Variants in HTR4 observed in about 807,000 individuals in gnomAD.
The protein encoded by HTR4 is 5-hydroxytryptamine (serotonin) receptor 4, G protein-coupled.
In HTR4, 16 loss-of-function variants were observed where a neutral mutation model predicts 36.8. That is an observed-to-expected ratio of 0.43 (90% CI 0.29 to 0.66). The LOEUF (loss-of-function observed/expected upper bound fraction) is 0.66. HTR4 is among the 30% of genes least tolerant of loss of function. HTR4 has a pLI of 0.13. For synonymous variants in HTR4, 189 were observed against 185.1 expected (o/e 1.02, Z -0.17); for missense variants, 438 against 490.9 (o/e 0.89, Z 1.02).
intron 6 of HTR4, 99 bp downstream of exon 6, chr5:148,509,357 G>T (rs1264171982): frequency 1.2e-6 from 1 of 844,088 alleles, no homozygotes; most frequent in South Asian, 1.8e-5. Flanking sequence ...ACTCTATGCA[G>T]GTTTCAGGGA....
intron 2 of HTR4, among the ~76,000 whole-genome samples, chr5:148,592,875 G>T (rs1761626599): frequency 6.6e-6 from 1 of 151,856 alleles, no homozygotes. Context: ...CATTAATTCT[G>T]CCTTCAACTA....
At chr5:148,532,614 C>T (rs1188517778) in intron 4 of HTR4, among the ~76,000 whole-genome samples, 1 of 152,104 alleles carries the variant, frequency 6.6e-6, no homozygotes, top group African/African-American at 2.4e-5. Context: ...AATCTAGGTG[C>T]TGTAGACAGC....
chr5:148,484,556 A>T (rs1756060406), intron 6 of HTR4, among the ~76,000 whole-genome samples: 1 of 152,168 alleles, frequency 6.6e-6, no homozygotes, highest in Non-Finnish European at 1.5e-5. Flanking sequence ...GTTCATTCGG[A>T]CTTGTTAGCA....
chr5:148,548,973 A>C (rs758660029), intron 3 of HTR4, 105 bp from the exon 4 acceptor site: 22 of 772,942 alleles, frequency 2.8e-5, no homozygotes, highest in Non-Finnish European at 3.9e-5. Context: ...AAACAAAGAA[A>C]GAAGAAAAGA....
chr5:148,460,877 A>G lies in HTR4; in HGVS notation c.1077-9605T>C, dbSNP rs560871530. 6.9e-4 allele frequency among the ~76,000 whole-genome samples: 105 copies of G among 152,230 alleles called. 1 individual carries two copies. Among genetic ancestry groups the G allele is most frequent in the African/African-American group, 1.8e-3 (73 of 41,574 alleles). ...TTACATCCTGATAAATCCATCATAA[A>G]GTTGAAAAATTGTTAAGTTGGACCA... On this transcript the variant is annotated intron_variant, in intron 5 of 5. Transcript: ENST00000521530.
intron 5 of HTR4, 141 bp downstream of exon 5, chr5:148,523,052 G>C (rs986359445): frequency 4.1e-6 from 3 of 731,050 alleles, no homozygotes; most frequent in African/African-American, 3.7e-5. Context: ...GCATTCAAAA[G>C]TGTTAGCTTT....
At chr5:148,532,487 A>C (rs977874341) in intron 4 of HTR4, among the ~76,000 whole-genome samples, 4 of 152,222 alleles carry the variant, frequency 2.6e-5, no homozygotes, top group African/African-American at 9.6e-5. Flanking sequence ...ATATGTTACC[A>C]GGTTTTGGAG....
At chr5:148,476,607 A>G (rs1581351733), downstream of HTR4, 6 of 1,526,476 alleles carry the variant, frequency 3.9e-6, no homozygotes, top group Middle Eastern at 2.3e-4. Context: ...TGCCGTAACA[A>G]TGAAAAGCTT....
At chr5:148,475,581 T>C (rs1312276876), downstream of HTR4, among the ~76,000 whole-genome samples, 1 of 152,180 alleles carries the variant, frequency 6.6e-6, no homozygotes, top group Non-Finnish European at 1.5e-5. Flanking sequence ...TCCTTTACCA[T>C]CTCCATCTTC....
intron 2 of HTR4, among the ~76,000 whole-genome samples, chr5:148,569,448 C>G (rs2113878478): frequency 6.6e-6 from 1 of 152,134 alleles, no homozygotes; most frequent in East Asian, 1.9e-4. Context: ...AGCAAACCAC[C>G]ATGGCACATG....
intron 4 of HTR4, among the ~76,000 whole-genome samples, chr5:148,526,981 G>T (rs1581426958): frequency 6.6e-6 from 1 of 152,134 alleles, no homozygotes; most frequent in Non-Finnish European, 1.5e-5. Flanking sequence ...TGGGTAACTT[G>T]TTAACAATCA....
At chr5:148,471,398 C>A (rs1427711871) in intron 5 of HTR4, among the ~76,000 whole-genome samples, 1 of 152,058 alleles carries the variant, frequency 6.6e-6, no homozygotes, top group Admixed American at 6.5e-5. Flanking sequence ...AGCCATTTTC[C>A]CAGACTCTTC....
chr5:148,453,335 C>T (rs1279331893), intron 5 of HTR4, among the ~76,000 whole-genome samples: 1 of 152,134 alleles, frequency 6.6e-6, no homozygotes, highest in African/African-American at 2.4e-5. Flanking sequence ...TTTTCTCAGC[C>T]CTAGAGCTAG....
chr5:148,509,267 CA>C (rs1333601988), intron 6 of HTR4, 188 bp downstream of exon 6: 1 of 521,406 alleles, frequency 1.9e-6, no homozygotes, highest in Non-Finnish European at 3.4e-6. Context: ...GAATTCAAGT[CA>C]ATCTCCCTCC....
chr5:148,618,715 C>A (rs1752801445), intron 2 of HTR4, among the ~76,000 whole-genome samples: 1 of 152,214 alleles, frequency 6.6e-6, no homozygotes, highest in African/African-American at 2.4e-5. Context: ...TATGGGACCT[C>A]CTATCAGGCT....
intron 1 of HTR4, among the ~76,000 whole-genome samples, chr5:148,637,263 C>G (rs1346791172): frequency 1.3e-5 from 2 of 152,116 alleles, no homozygotes; most frequent in African/African-American, 4.8e-5. Flanking sequence ...TATTTACACC[C>G]TACTGATCGC....
At chr5:148,465,854 C>T (rs1401726296) in intron 5 of HTR4, 4 of 1,610,648 alleles carry the variant, frequency 2.5e-6, no homozygotes, top group African/African-American at 1.3e-5. Context: ...ACTTACAGAG[C>T]ACTTTCAGAG....
chr5:148,496,551 A>G (rs900260796), intron 6 of HTR4, among the ~76,000 whole-genome samples: 2 of 152,208 alleles, frequency 1.3e-5, no homozygotes, highest in Non-Finnish European at 2.9e-5. Context: ...GTCCTAACGT[A>G]AAAGATGTAA....
At chr5:148,529,794 G>A (rs192559836) in intron 4 of HTR4, among the ~76,000 whole-genome samples, 10 of 152,322 alleles carry the variant, frequency 6.6e-5, no homozygotes, top group African/African-American at 2.4e-4. Flanking sequence ...TTGTTGAATG[G>A]CTTTGGCCAA....
Sources: gnomAD v4.1 joint callset for allele counts (sites outside exome capture counted in the v4.1 genomes callset) on GRCh38, gnomAD v4.1.1 for gene constraint, MANE v1.5 for transcripts, NCBI Gene and HGNC (gene_info 2026-07-23, HGNC 2026-07-21) for gene names.